The following PKNOX2 variants were observed in gnomAD, a reference collection of about 807,000 sequenced individuals.
PKNOX2 encodes PBX/knotted 1 homeobox 2, also known as homeobox protein PKNOX2.
A neutral mutation model predicts 53.1 loss-of-function variants in PKNOX2; 14 were observed. That is an observed-to-expected ratio of 0.26 (90% confidence interval 0.17 to 0.41). The LOEUF is 0.41. Ranked by LOEUF, PKNOX2 falls within the 10% of genes least tolerant of loss-of-function variation. The pLI is 1.00. For missense variants in PKNOX2, 496 were observed against 602.8 expected, an observed-to-expected ratio of 0.82 and a Z score of 1.85; for synonymous variants, 257 against 242.8, an observed-to-expected ratio of 1.06 and a Z score of -0.54.
At chr11:125,299,246 C>T (rs1210587455) in intron 2 of PKNOX2, among the ~76,000 whole-genome samples, 2 of 152,200 alleles carry the variant, frequency 1.3e-5, no homozygotes, top group Non-Finnish European at 2.9e-5. Context: ...AGGAACCCAC[C>T]TCCACGATCT....
intron 2 of PKNOX2, among the ~76,000 whole-genome samples, chr11:125,314,180 G>T (rs972026109): frequency 6.6e-6 from 1 of 152,192 alleles, no homozygotes; most frequent in Admixed American, 6.5e-5. Context: ...TCACCTTCCA[G>T]TTGGAGAATT....
chr11:125,256,533 A>G (rs1944411070), intron 2 of PKNOX2, among the ~76,000 whole-genome samples: 1 of 152,110 alleles, frequency 6.6e-6, no homozygotes, highest in African/African-American at 2.4e-5. Flanking sequence ...GACTCCATCC[A>G]GTGAGTTCCT....
chr11:125,404,598 C>T (rs533073818), intron 7 of PKNOX2, among the ~76,000 whole-genome samples: 14 of 151,806 alleles, frequency 9.2e-5, no homozygotes, highest in South Asian at 4.2e-4. Flanking sequence ...CACATTTGCG[C>T]GGGCACACAC....
chr11:125,314,706 C>T (rs1949048398), intron 2 of PKNOX2, among the ~76,000 whole-genome samples: 2 of 152,158 alleles, frequency 1.3e-5, no homozygotes, highest in South Asian at 4.1e-4. Flanking sequence ...AAACTCTCAC[C>T]TTGCCTACTG....
At chr11:125,208,048 GT>G (rs1939360973) in intron 1 of PKNOX2, among the ~76,000 whole-genome samples, 1 of 152,116 alleles carries the variant, frequency 6.6e-6, no homozygotes, top group Admixed American at 6.5e-5. Flanking sequence ...AAGATGAAAG[GT>G]ATCTTAGGCA....
chr11:125,218,432 A>G (rs753473182), intron 1 of PKNOX2, among the ~76,000 whole-genome samples: 3 of 152,064 alleles, frequency 2.0e-5, no homozygotes, highest in Non-Finnish European at 4.4e-5. Flanking sequence ...AACTTGTTCC[A>G]AAATTTGCTG....
chr11:125,189,413 ATGTGTGTGTG>A (rs776327891), intron 1 of PKNOX2, among the ~76,000 whole-genome samples: 48 of 65,136 alleles, frequency 7.4e-4, no homozygotes, highest in Admixed American at 1.1e-3. Flanking sequence ...GTATATATAT[ATGTGTGTGTG>A]TGTGTGTGTG....
chr11:125,339,249 G>T (rs1013638944), intron 3 of PKNOX2, among the ~76,000 whole-genome samples: 1 of 152,186 alleles, frequency 6.6e-6, no homozygotes, highest in Non-Finnish European at 1.5e-5. Flanking sequence ...CCTGCTGCTG[G>T]CTCACTGGCT....
At chr11:125,305,878 G>A (rs1175747182) in intron 2 of PKNOX2, among the ~76,000 whole-genome samples, 2 of 152,146 alleles carry the variant, frequency 1.3e-5, no homozygotes, top group Non-Finnish European at 2.9e-5. Context: ...CTTAAAATAT[G>A]TCTGAGATGA....
At chr11:125,350,343 A>G (rs3808997) in intron 3 of PKNOX2, among the ~76,000 whole-genome samples, 23,559 of 152,102 alleles carry the variant, frequency 0.15, 3,144 homozygotes, top group African/African-American at 0.36. Flanking sequence ...TGATGGGGAA[A>G]TGATGGGGGC....
intron 2 of PKNOX2, among the ~76,000 whole-genome samples, chr11:125,251,010 A>G (rs1943949985): frequency 6.6e-6 from 1 of 152,202 alleles, no homozygotes; most frequent in African/African-American, 2.4e-5. Flanking sequence ...GGAACAGCAT[A>G]ACGCTGATTG....
intron 2 of PKNOX2, among the ~76,000 whole-genome samples, chr11:125,254,592 T>C (rs1466784129): frequency 6.6e-6 from 1 of 152,242 alleles, no homozygotes; most frequent in Non-Finnish European, 1.5e-5. Flanking sequence ...ACTCACTGGC[T>C]TGTTTTGAAT....
At chr11:125,356,968 G>A (rs770610128) in intron 4 of PKNOX2, among the ~76,000 whole-genome samples, 1 of 152,220 alleles carries the variant, frequency 6.6e-6, no homozygotes, top group Non-Finnish European at 1.5e-5. Context: ...TGCCTTGCAG[G>A]GCCCTCTGCT....
intron 2 of PKNOX2, among the ~76,000 whole-genome samples, chr11:125,265,721 G>A (rs1945280223): frequency 6.6e-6 from 1 of 152,202 alleles, no homozygotes; most frequent in Admixed American, 6.5e-5. Flanking sequence ...CCAGAGGGTT[G>A]CGGGTCATCT....
chr11:125,397,181 A>G (rs1306929602), intron 6 of PKNOX2, among the ~76,000 whole-genome samples: 2 of 152,240 alleles, frequency 1.3e-5, no homozygotes, highest in Non-Finnish European at 2.9e-5. Flanking sequence ...TCCAAAGGGC[A>G]TGGAAAAGGC....
intron 2 of PKNOX2, among the ~76,000 whole-genome samples, chr11:125,327,545 T>A (rs1195988642): frequency 6.6e-6 from 1 of 152,090 alleles, no homozygotes; most frequent in Non-Finnish European, 1.5e-5. Context: ...CTCTGCATGG[T>A]GACAAAAAGG....
At chr11:125,208,605 T>C (rs1342526627) in intron 1 of PKNOX2, among the ~76,000 whole-genome samples, 1 of 151,862 alleles carries the variant, frequency 6.6e-6, no homozygotes, top group Non-Finnish European at 1.5e-5. Context: ...ATGAGAGACG[T>C]ATGTGGAAAT....
intron 1 of PKNOX2, among the ~76,000 whole-genome samples, chr11:125,194,285 C>T (rs1203746534): frequency 6.6e-6 from 1 of 152,210 alleles, no homozygotes; most frequent in African/African-American, 2.4e-5. Context: ...TTCCCCACCC[C>T]AGGCCGGCTC....
chr11:125,204,800 C>T lies in PKNOX2; in HGVS notation c.-200-30245C>T, dbSNP rs79244696. On this transcript the variant is annotated intron_variant, in intron 1 of 12. Coordinates refer to ENST00000298282, the MANE Select transcript of PKNOX2 (RefSeq NM_001382323.2). ...ATCCTCTCTCCCACTCCTCCAGGCC[C>T]GGCTGAATCTACCCCTTCCTTACCC... is the stretch of plus-strand genomic sequence containing the variant. 9.2e-3 allele frequency among the ~76,000 whole-genome samples: 1,394 copies of T among 152,296 alleles called. 12 individuals carry two copies. Among genetic ancestry groups the T allele is most frequent in the Non-Finnish European group, 0.014 (935 of 68,024 alleles).
Sources: allele counts gnomAD v4.1 joint callset (sites outside exome capture counted in the v4.1 genomes callset), GRCh38; gene constraint gnomAD v4.1.1; transcripts MANE v1.5; gene names NCBI Gene and HGNC (gene_info 2026-07-23, HGNC 2026-07-21).